The following CCDC85A variants were observed in gnomAD, a reference collection of about 807,000 sequenced individuals.
CCDC85A encodes the protein coiled-coil domain-containing protein 85A.
In CCDC85A, 38 loss-of-function variants were observed where a neutral mutation model predicts 50.2. The ratio of observed to expected loss-of-function variants is 0.76; its 90% CI spans 0.58 to 0.99. The LOEUF (loss-of-function observed/expected upper bound fraction) is 0.99. Among genes scored for constraint, CCDC85A ranks in the 50% least tolerant of loss-of-function variants. CCDC85A has a pLI of 0.00. For missense variants in CCDC85A, 820 were observed against 742.0 expected, an observed-to-expected ratio of 1.11 and a Z score of -1.22; for synonymous variants, 366 against 301.4, an observed-to-expected ratio of 1.21 and a Z score of -2.22.
chr2:56,291,287 T>C (rs1410558620), intron 2 of CCDC85A, among the ~76,000 whole-genome samples: 1 of 152,204 alleles, frequency 6.6e-6, no homozygotes, highest in Non-Finnish European at 1.5e-5. Context: ...TATTAGTCAA[T>C]CAGCAAGTAC....
intron 3 of CCDC85A, among the ~76,000 whole-genome samples, chr2:56,346,083 A>G (rs1674618556): frequency 6.6e-6 from 1 of 152,174 alleles, no homozygotes; most frequent in South Asian, 2.1e-4. Flanking sequence ...TTTTGCTTTT[A>G]GTTTAGAGTT....
At chr2:56,325,394 G>A (rs1363855170) in intron 2 of CCDC85A, among the ~76,000 whole-genome samples, 1 of 151,654 alleles carries the variant, frequency 6.6e-6, no homozygotes, top group Non-Finnish European at 1.5e-5. Flanking sequence ...ATAAGATTTT[G>A]TGAACAATGA....
At chr2:56,305,360 G>A (rs1005974040) in intron 2 of CCDC85A, among the ~76,000 whole-genome samples, 4 of 152,176 alleles carry the variant, frequency 2.6e-5, no homozygotes, top group African/African-American at 9.6e-5. Flanking sequence ...TTACTGATGA[G>A]TACAATGAAG....
chr2:56,354,027 A>G (rs1010251901), intron 3 of CCDC85A, among the ~76,000 whole-genome samples: 1 of 152,230 alleles, frequency 6.6e-6, no homozygotes, highest in African/African-American at 2.4e-5. Flanking sequence ...ACACTTGAAC[A>G]TATTTTAAAG....
At chr2:56,367,346 A>G (rs1573353651) in intron 3 of CCDC85A, among the ~76,000 whole-genome samples, 1 of 152,116 alleles carries the variant, frequency 6.6e-6, no homozygotes, top group Non-Finnish European at 1.5e-5. Context: ...CTTTATACTT[A>G]GACCATTTGA....
rs565120117 is a variant in CCDC85A, at chr2:56,276,439, G to A, written c.1241-66440G>A. 4.6e-5 allele frequency among the ~76,000 whole-genome samples: 7 copies of A among 152,170 alleles called. No homozygotes were observed. The South Asian group carries it at 1.0e-3, about 23-fold the overall frequency. On this transcript the variant is annotated intron_variant, in intron 2 of 5. Coordinates refer to ENST00000407595, the MANE Select transcript of CCDC85A (RefSeq NM_001080433.2). Reference sequence around the variant, plus strand: ...GTAACTCCTGAAATTCCCACGTGTCGTAGGAGGAACTGGTGGGAGGTGATT... The same window carrying A: ...GTAACTCCTGAAATTCCCACGTGTCATAGGAGGAACTGGTGGGAGGTGATT...
intron 2 of CCDC85A, among the ~76,000 whole-genome samples, chr2:56,335,106 T>C (rs1674006964): frequency 6.6e-6 from 1 of 152,206 alleles, no homozygotes; most frequent in South Asian, 2.1e-4. Flanking sequence ...ACAAATTTTT[T>C]TTAAAATAAG....
intron 2 of CCDC85A, among the ~76,000 whole-genome samples, chr2:56,285,473 T>C (rs1671397965): frequency 7.1e-6 from 1 of 140,464 alleles, no homozygotes; most frequent in African/African-American, 2.8e-5. Context: ...TTATTAATTA[T>C]ATTATATTAA....
intron 2 of CCDC85A, among the ~76,000 whole-genome samples, chr2:56,304,405 T>C (rs6545565): frequency 0.13 from 20,037 of 152,222 alleles, 1,477 homozygotes; most frequent in East Asian, 0.32. Flanking sequence ...AATTTGACTT[T>C]TGTGCAGTGG....
At chr2:56,217,654 G>A (rs957627214) in intron 2 of CCDC85A, among the ~76,000 whole-genome samples, 1 of 151,542 alleles carries the variant, frequency 6.6e-6, no homozygotes, top group Non-Finnish European at 1.5e-5. Flanking sequence ...TTTTTCTAAA[G>A]GCATAAATAT....
Position 56,184,157 on chromosome 2 carries a change from A to G in CCDC85A, c.-468A>G, listed in dbSNP as rs1368081454. 3 of 985,754 alleles carry G rather than the reference A, an allele frequency of 3.0e-6. No homozygotes were observed. The highest frequency in any genetic ancestry group is 4.7e-5 in the South Asian group (1 of 21,286). 61.1% of individuals were successfully genotyped at this position (985,754 alleles called of 1,614,324 possible). On this transcript the variant is annotated 5_prime_UTR_variant, in exon 1 of 6. Coordinates refer to ENST00000407595, the MANE Select transcript of CCDC85A (RefSeq NM_001080433.2). ...TGCCCGGCGCGCCCTCCAAGCTAGG[A>G]GAGGGGAGAAGCCGGGGGCTGCAGC...
chr2:56,292,326 A>C (rs969386350), intron 2 of CCDC85A, among the ~76,000 whole-genome samples: 1 of 151,852 alleles, frequency 6.6e-6, no homozygotes, highest in African/African-American at 2.4e-5. Context: ...CTCGTGATCC[A>C]CCCGCCTCGG....
chr2:56,255,072 C>T (rs1285554296), intron 2 of CCDC85A, among the ~76,000 whole-genome samples: 1 of 152,116 alleles, frequency 6.6e-6, no homozygotes, highest in African/African-American at 2.4e-5. Flanking sequence ...GTTGGTGTGG[C>T]AGAGGAGAAA....
At position 56,255,681 on chromosome 2, in the gene CCDC85A, T is replaced by C. The variant is rs72923445; in HGVS notation, c.1240+62241T>C. 1.9e-3 allele frequency among the ~76,000 whole-genome samples: 283 copies of C among 152,178 alleles called. 1 individual carries two copies. Among genetic ancestry groups the C allele is most frequent in the African/African-American group, 6.3e-3 (262 of 41,522 alleles). ...ATTGGGCTGGGAATGGAGGAGGTCA[T>C]TGATGATCTTCTAGGAAGGAGAAAG... is the stretch of plus-strand genomic sequence containing the variant. On this transcript the variant is annotated intron_variant, in intron 2 of 5. Coordinates refer to ENST00000407595, the MANE Select transcript of CCDC85A (RefSeq NM_001080433.2).
intron 2 of CCDC85A, among the ~76,000 whole-genome samples, chr2:56,317,467 T>C (rs62167338): frequency 0.11 from 16,496 of 152,092 alleles, 1,105 homozygotes; most frequent in East Asian, 0.32. Flanking sequence ...ACTAAGGCTG[T>C]CTCTCCTGTC....
chr2:56,338,678 C>T (rs1674203701), intron 2 of CCDC85A, among the ~76,000 whole-genome samples: 1 of 152,088 alleles, frequency 6.6e-6, no homozygotes, highest in South Asian at 2.1e-4. Context: ...TAGTCAGGCT[C>T]AGCTGACCTA....
At chr2:56,324,370 T>C (rs1429498038) in intron 2 of CCDC85A, among the ~76,000 whole-genome samples, 1 of 152,058 alleles carries the variant, frequency 6.6e-6, no homozygotes, top group African/African-American at 2.4e-5. Flanking sequence ...ATTCTTTTTA[T>C]ACAGTGGTGA....
intron 3 of CCDC85A, among the ~76,000 whole-genome samples, chr2:56,350,224 T>G (rs1238218775): frequency 6.6e-6 from 1 of 151,032 alleles, no homozygotes; most frequent in Admixed American, 6.6e-5. Context: ...TGGAGTGCAG[T>G]GGCACTACCT....
chr2:56,342,890 T>C lies in CCDC85A; in HGVS notation c.1252T>C (p.Ser418Pro). Residue 418 changes from serine to proline, a missense_variant, in exon 3 of 6, where the codon TCC becomes CCC. Coordinates refer to ENST00000407595, the MANE Select transcript of CCDC85A (RefSeq NM_001080433.2). ...CTTTTTAATTTTAGAATCAACCTTG[T>C]CCTATGTTAGGCAGCTGGAGGCAAG... ...VYSGMNESTL[S>P]YVRQLEARVR... 6.3e-7 allele frequency: 1 copy of C among 1,589,392 alleles called. No individual in the cohort carries two copies. Among genetic ancestry groups the C allele is most frequent in the Non-Finnish European group, 8.6e-7 (1 of 1,166,616 alleles).
Sources: allele counts gnomAD v4.1 joint callset (sites outside exome capture counted in the v4.1 genomes callset), GRCh38; gene constraint gnomAD v4.1.1; transcripts MANE v1.5; gene names NCBI Gene and HGNC (gene_info 2026-07-23, HGNC 2026-07-21).